RAPGEF1: variants seen among roughly 807,000 people sequenced by gnomAD.
RAPGEF1 encodes CRK SH3-binding GNRP.
Under a neutral mutation model 143.3 loss-of-function variants are expected in RAPGEF1, and 33 were observed. The ratio of observed to expected loss-of-function variants is 0.23; its 90% CI spans 0.17 to 0.31. RAPGEF1 has a LOEUF of 0.31. Ranked by LOEUF, RAPGEF1 falls within the 10% of genes least tolerant of loss-of-function variation. The pLI is 1.00. For synonymous variants in RAPGEF1, 629 were observed against 676.5 expected (o/e 0.93, Z 1.09); for missense variants, 1,199 against 1,645.4 (o/e 0.73, Z 4.69).
intron 12 of RAPGEF1, among the ~76,000 whole-genome samples, chr9:131,609,025 A>G (rs1051220285): frequency 6.6e-6 from 1 of 152,172 alleles, no homozygotes; most frequent in Non-Finnish European, 1.5e-5. Flanking sequence ...TATAGCCAGA[A>G]TAAGACTGTT....
intron 12 of RAPGEF1, among the ~76,000 whole-genome samples, chr9:131,607,471 C>T (rs1254450833): frequency 1.3e-5 from 2 of 152,124 alleles, no homozygotes; most frequent in South Asian, 2.1e-4. Flanking sequence ...GGTTTTCCAT[C>T]GATCTCTGGA....
intron 15 of RAPGEF1, among the ~76,000 whole-genome samples, chr9:131,601,727 G>A (rs184702458): frequency 5.9e-5 from 9 of 151,790 alleles, no homozygotes; most frequent in Admixed American, 5.9e-4. Context: ...GCAACATAGC[G>A]AGACCTCGTC....
chr9:131,677,466 T>C (rs899642138), intron 1 of RAPGEF1, among the ~76,000 whole-genome samples: 6 of 152,202 alleles, frequency 3.9e-5, no homozygotes, highest in Non-Finnish European at 8.8e-5. Flanking sequence ...ACAGACAACA[T>C]TCCTTTCTCC....
chr9:131,661,049 C>T (rs117147892), intron 1 of RAPGEF1, among the ~76,000 whole-genome samples: 10 of 152,320 alleles, frequency 6.6e-5, no homozygotes, highest in Non-Finnish European at 1.5e-4. Flanking sequence ...GGAACACTAT[C>T]GGTGTTGTGG....
At chr9:131,723,781 C>T (rs777757501) in intron 1 of RAPGEF1, among the ~76,000 whole-genome samples, 11 of 152,246 alleles carry the variant, frequency 7.2e-5, no homozygotes, top group East Asian at 3.9e-4. Flanking sequence ...CCTTCTTTTG[C>T]GTACACACCC....
chr9:131,602,161 A>T lies in RAPGEF1; in HGVS notation c.2413-12T>A. On this transcript the variant is annotated splice_polypyrimidine_tract_variant and intron_variant, in intron 14 of 26. Transcript: ENST00000683357. ...CCAGCCGGTGGCTCCTGGAAAGAGG[A>T]GTGGGTGCTGAGTTCTGGACAGGGG... 6.4e-7 allele frequency: 1 copy of T among 1,569,776 alleles called. No individual in the cohort carries two copies. Among genetic ancestry groups the T allele is most frequent in the South Asian group, 1.2e-5 (1 of 85,650 alleles).
intron 26 of RAPGEF1, 105 bp from the exon 27 acceptor site, chr9:131,579,752 G>T: frequency 8.1e-7 from 1 of 1,241,764 alleles, no homozygotes; most frequent in Non-Finnish European, 1.1e-6. Context: ...CCACAGCCTC[G>T]CAGCAAACGG....
chr9:131,591,313 C>G (rs12344857), intron 18 of RAPGEF1, among the ~76,000 whole-genome samples: 8,338 of 152,240 alleles, frequency 0.055, 444 homozygotes, highest in East Asian at 0.14. Flanking sequence ...CGGGTGGACT[C>G]AGGACTTCCT....
intron 14 of RAPGEF1, among the ~76,000 whole-genome samples, chr9:131,602,978 C>T (rs1443312814): frequency 6.6e-6 from 1 of 152,240 alleles, no homozygotes; most frequent in Admixed American, 6.5e-5. Flanking sequence ...CCTCTACCTG[C>T]ACGTGGACTT....
At chr9:131,673,401 T>C (rs1831713818) in intron 1 of RAPGEF1, among the ~76,000 whole-genome samples, 1 of 151,652 alleles carries the variant, frequency 6.6e-6, no homozygotes, top group Admixed American at 6.6e-5. Flanking sequence ...AAGCTAGAGG[T>C]TGGGGTCCCA....
intron 1 of RAPGEF1, among the ~76,000 whole-genome samples, chr9:131,695,648 T>G (rs1434496162): frequency 2.0e-5 from 3 of 152,158 alleles, no homozygotes; most frequent in African/African-American, 7.2e-5. Context: ...AATGTCTGGC[T>G]CACCCAGAAG....
At chr9:131,716,425 T>C (rs528949423) in intron 1 of RAPGEF1, among the ~76,000 whole-genome samples, 1 of 152,274 alleles carries the variant, frequency 6.6e-6, no homozygotes, top group African/African-American at 2.4e-5. Context: ...GGGAGAAATT[T>C]GGAAGACTTG....
At chr9:131,712,852 T>C (rs1479416859) in intron 1 of RAPGEF1, among the ~76,000 whole-genome samples, 1 of 152,126 alleles carries the variant, frequency 6.6e-6, no homozygotes, top group African/African-American at 2.4e-5. Flanking sequence ...CAATGTGAAC[T>C]GTTCAGGGGT....
intron 21 of RAPGEF1, 32 bp downstream of exon 21, chr9:131,587,908 CAG>C (rs759986720): frequency 1.9e-6 from 3 of 1,560,440 alleles, no homozygotes; most frequent in Non-Finnish European, 2.6e-6. Context: ...CAGGGACAAA[CAG>C]TGTGGCTCCC....
rs1348694901 is a variant in RAPGEF1 at position 131,595,956 on chromosome 9, T to C, written c.2689+342A>G. On this transcript the variant is annotated intron_variant, in intron 17 of 26. Transcript: ENST00000683357. The stretch of plus-strand genomic sequence containing the variant: ...AGCAGTCAGGAAAGGAATCAAAAGG[T>C]ACCTGCATGTTATCTTAAGTTTAGT... 1.1e-4 allele frequency among the ~76,000 whole-genome samples: 16 copies of C among 152,176 alleles called. 1 individual carries two copies. The highest frequency in any genetic ancestry group is 7.9e-4 in the Admixed American group (12 of 15,284).
chr9:131,628,169 C>T lies in RAPGEF1; in HGVS notation c.1018-73G>A, dbSNP rs114834256. 1,858 of 1,343,008 alleles carry T rather than the reference C, an allele frequency of 1.4e-3. 16 individuals are homozygous for T. In the African/African-American group the frequency reaches 0.023, roughly 17 times the overall value. The allele number at this position is 1,343,008 out of a possible 1,614,324, so 83.2% of individuals were successfully genotyped here. Reference sequence around the variant, plus strand: ...TGGCACAGACCAGGGGTGAGGCAACCGGTGCATTTACTTAGAGAAGGAAAT... The same window carrying T: ...TGGCACAGACCAGGGGTGAGGCAACTGGTGCATTTACTTAGAGAAGGAAAT... On this transcript the variant is annotated intron_variant, in intron 8 of 26. Transcript: ENST00000683357. The surrounding 1 kb of genome is among the most constrained non-coding windows in gnomAD (Gnocchi z 5.7).
At chr9:131,614,746 C>T (rs1293645282) in intron 12 of RAPGEF1, among the ~76,000 whole-genome samples, 1 of 152,174 alleles carries the variant, frequency 6.6e-6, no homozygotes, top group Non-Finnish European at 1.5e-5. Flanking sequence ...GACTGTTTTG[C>T]CCAGAATGGG....
intron 1 of RAPGEF1, among the ~76,000 whole-genome samples, chr9:131,686,133 A>C (rs1413774431): frequency 6.6e-6 from 1 of 152,210 alleles, no homozygotes; most frequent in African/African-American, 2.4e-5. Flanking sequence ...AGCAGAGGGC[A>C]GCAAACTTTC....
intron 1 of RAPGEF1, among the ~76,000 whole-genome samples, chr9:131,709,311 A>G (rs1392694949): frequency 6.6e-6 from 1 of 152,198 alleles, no homozygotes; most frequent in Non-Finnish European, 1.5e-5. Flanking sequence ...ATGCCACTGC[A>G]TTCCAGCCTG....
Sources: allele counts gnomAD v4.1 joint callset (sites outside exome capture counted in the v4.1 genomes callset), GRCh38; gene constraint gnomAD v4.1.1; non-coding constraint Gnocchi (gnomAD v3.1); transcripts MANE v1.5; gene names NCBI Gene and HGNC (gene_info 2026-07-23, HGNC 2026-07-21).